Variants in LAMB4 observed in about 807,000 individuals in gnomAD.
LAMB4 encodes the protein laminin subunit beta 4, also known as laminin subunit beta-4.
In LAMB4, 196 loss-of-function variants were observed where a neutral mutation model predicts 199.2. The observed-to-expected ratio is 0.98, with a 90% CI of 0.88 to 1.11. LAMB4 has a LOEUF of 1.11. Ranked by LOEUF, LAMB4 falls within the 50% of genes least tolerant of loss-of-function variation. The pLI is 0.00. For synonymous variants in LAMB4, 744 were observed against 770.6 expected (o/e 0.97, Z 0.57); for missense variants, 2,080 against 2,171.2 (o/e 0.96, Z 0.83).
chr7:108,099,504 C>T (rs760297577), intron 10 of LAMB4, among the ~76,000 whole-genome samples: 9 of 152,122 alleles, frequency 5.9e-5, no homozygotes, highest in African/African-American at 1.4e-4. Flanking sequence ...CCCTCATCAT[C>T]GGAGGTGTCC....
chr7:108,079,051 G>T (rs1488322254), intron 15 of LAMB4, among the ~76,000 whole-genome samples: 1 of 152,220 alleles, frequency 6.6e-6, no homozygotes, highest in Non-Finnish European at 1.5e-5. Context: ...TCCAAAGGAA[G>T]GTTAGGAACT....
In LAMB4 at chr7:108,107,688, C is replaced by T; in HGVS notation, c.534G>A (p.Val178=). 2.5e-6 allele frequency: 4 copies of T among 1,612,906 alleles called. No homozygotes were observed. Among genetic ancestry groups the T allele is most frequent in the Non-Finnish European group, 3.4e-6 (4 of 1,179,734 alleles). The change falls in exon 6 of 34, where the codon GTG becomes GTA. Residue 178 remains valine (V), a synonymous_variant. Transcript: ENST00000388781. ...ATTTGGAGTCACAAACAATGTCTCC[C>T]ACTCCCTGGGCCTGGCCAGATGTGA... ...PNITSGQAQG[V]GDIVCDSKYS...
rs147484178 is a variant in LAMB4, at chr7:108,107,679, A to G, written c.543T>C (p.Ile181=). 1.2e-6 allele frequency: 2 copies of G among 1,612,252 alleles called. No individual in the cohort carries two copies. Among genetic ancestry groups the G allele is most frequent in the Non-Finnish European group, 8.5e-7 (1 of 1,179,582 alleles). Residue 181 remains isoleucine (I), a synonymous_variant, in exon 6 of 34, where the codon ATT becomes ATC. Coordinates refer to ENST00000388781, the MANE Select transcript of LAMB4 (RefSeq NM_007356.3). ...TSGQAQGVGD[I]VCDSKYSDIE... ...TATCCGAGTATTTGGAGTCACAAACAATGTCTCCCACTCCCTGGGCCTGGC... is the reference window on the plus strand; with the variant it reads ...TATCCGAGTATTTGGAGTCACAAACGATGTCTCCCACTCCCTGGGCCTGGC...
At chr7:108,028,179 A>G (rs1375425538) in intron 33 of LAMB4, among the ~76,000 whole-genome samples, 3 of 152,204 alleles carry the variant, frequency 2.0e-5, no homozygotes, top group Admixed American at 1.3e-4. Flanking sequence ...TGCTATCCAA[A>G]GATATATGCT....
rs140881223 is a variant in LAMB4, at chr7:108,050,389, A to C, written c.3917-858T>G. On this transcript the variant is annotated intron_variant, in intron 26 of 33. Coordinates refer to ENST00000388781, the MANE Select transcript of LAMB4 (RefSeq NM_007356.3). ...TCTATTGAGGAAACTTATTTGCCTA[A>C]GTTCTCATTGATAGTAAGAGATGAA... 3.8e-3 allele frequency among the ~76,000 whole-genome samples: 584 copies of C among 152,320 alleles called. 1 individual carries two copies. Among genetic ancestry groups the C allele is most frequent in the Middle Eastern group, 0.037 (11 of 294 alleles).
intron 1 of LAMB4, among the ~76,000 whole-genome samples, chr7:108,126,799 A>T (rs1156938065): frequency 2.0e-5 from 3 of 149,526 alleles, no homozygotes; most frequent in Non-Finnish European, 4.4e-5. Flanking sequence ...CGATCTCCTG[A>T]CCTCATGATC....
rs762258814 is a variant in LAMB4, at chr7:108,098,387, C to G, written c.1360+16G>C. 11 of 1,590,848 alleles carry G rather than the reference C, an allele frequency of 6.9e-6. No individual in the cohort carries two copies. In the African/African-American group the frequency reaches 9.4e-5, roughly 14 times the overall value. On this transcript the variant is annotated intron_variant, in intron 11 of 33. Transcript: ENST00000388781. ...GGGTTGATGGACACTCCCCCGACCCCCGATTATGGACTTACGCTGGCAGCC... is the reference window on the plus strand; with the variant it reads ...GGGTTGATGGACACTCCCCCGACCCGCGATTATGGACTTACGCTGGCAGCC...
intron 25 of LAMB4, among the ~76,000 whole-genome samples, chr7:108,053,378 C>A (rs2035885208): frequency 6.6e-6 from 1 of 152,186 alleles, no homozygotes; most frequent in South Asian, 2.1e-4. Context: ...GTTTACCCAG[C>A]AACATTTTTT....
At chr7:108,082,497 T>C (rs1584708890) in intron 14 of LAMB4, among the ~76,000 whole-genome samples, 1 of 152,138 alleles carries the variant, frequency 6.6e-6, no homozygotes, top group Non-Finnish European at 1.5e-5. Flanking sequence ...GATAACCAGG[T>C]ATACAAAGTG....
At chr7:108,122,307 G>A (rs970744016) in intron 2 of LAMB4, among the ~76,000 whole-genome samples, 2 of 152,184 alleles carry the variant, frequency 1.3e-5, no homozygotes, top group African/African-American at 4.8e-5. Flanking sequence ...TTTTCTGAAT[G>A]AGACCAGTCC....
chr7:108,061,461 G>A (rs866671849), intron 23 of LAMB4, among the ~76,000 whole-genome samples: 5 of 152,086 alleles, frequency 3.3e-5, no homozygotes, highest in African/African-American at 1.2e-4. Flanking sequence ...TGTGGGGGCT[G>A]GGCGTCGTGG....
chr7:108,035,813 C>G (rs1253513195), intron 30 of LAMB4, among the ~76,000 whole-genome samples: 1 of 151,398 alleles, frequency 6.6e-6, no homozygotes, highest in Admixed American at 6.6e-5. Flanking sequence ...ATTACCATTG[C>G]AATATAAGAA....
At chr7:108,077,087 A>G in intron 16 of LAMB4, 23 bp from the exon 17 acceptor site, 1 of 1,610,822 alleles carries the variant, frequency 6.2e-7, no homozygotes, top group Middle Eastern at 1.7e-4. Context: ...AGATAAAGCA[A>G]AAATTCAGAC....
At chr7:108,106,656 C>G in intron 6 of LAMB4, 84 bp from the exon 7 acceptor site, 1 of 783,064 alleles carries the variant, frequency 1.3e-6, no homozygotes, top group Non-Finnish European at 2.1e-6. Context: ...TTCAAACCTC[C>G]CAGGCCCAAG....
At position 108,055,654 on chromosome 7, in the gene LAMB4, T is replaced by G; in HGVS notation, c.3733A>C (p.Lys1245Gln). ...VFPSGKFLKV[K>Q]DYHDSVRRQI... The stretch of plus-strand genomic sequence containing the variant: ...TACCTAACAGAGTCATGATAATCCT[T>G]GACTTTTAAGAATTTCCCAGATGGG... Residue 1245 changes from lysine (K) to glutamine (Q), a missense_variant, in exon 25 of 34, where the codon AAG (lysine) becomes CAG (glutamine). Transcript: ENST00000388781. 1 of 1,613,804 alleles carries G rather than the reference T, an allele frequency of 6.2e-7. No homozygotes were observed. Among genetic ancestry groups the G allele is most frequent in the Non-Finnish European group, 8.5e-7 (1 of 1,179,952 alleles).
chr7:108,048,240 C>T lies in LAMB4; in HGVS notation c.4123-129G>A, dbSNP rs59967137. The T allele has an allele frequency of 1.9e-3, 1,333 of 689,396 alleles. 16 individuals carry two copies. In the African/African-American group the frequency reaches 0.023, roughly 12 times the overall value. 42.7% of individuals were successfully genotyped at this position (689,396 alleles called of 1,614,324 possible). ...AGAGCAATAGCGTGACCTTGGCTCA[C>T]TGCAACGTTCTCCTCCTGGGTTCAA... On this transcript the variant is annotated intron_variant, in intron 27 of 33. Coordinates refer to ENST00000388781, the MANE Select transcript of LAMB4 (RefSeq NM_007356.3).
At chr7:108,101,705 GC>G (rs1469377104) in intron 10 of LAMB4, among the ~76,000 whole-genome samples, 1 of 152,126 alleles carries the variant, frequency 6.6e-6, no homozygotes, top group African/African-American at 2.4e-5. Flanking sequence ...AAGCAAGGTG[GC>G]TGGGGTGCAA....
chr7:108,017,124 G>A, the LAMB4 span, among the ~76,000 whole-genome samples: 1 of 152,206 alleles, frequency 6.6e-6, no homozygotes, highest in East Asian at 1.9e-4. Context: ...TTAAATATGT[G>A]TAATACATGT....
intron 5 of LAMB4, 33 bp downstream of exon 5, chr7:108,109,138 T>C (rs753815065): frequency 1.3e-6 from 2 of 1,483,484 alleles, no homozygotes; most frequent in East Asian, 2.3e-5. Flanking sequence ...AGGGAATAGA[T>C]AAAAGAGGGG....
Sources: allele counts gnomAD v4.1 joint callset (sites outside exome capture counted in the v4.1 genomes callset), GRCh38; gene constraint gnomAD v4.1.1; transcripts MANE v1.5; gene names NCBI Gene and HGNC (gene_info 2026-07-23, HGNC 2026-07-21).